Variants in SLC7A11 observed in about 807,000 individuals in gnomAD.
SLC7A11 encodes solute carrier family 7 member 11, also known as cystine/glutamate transporter.
SLC7A11 carries 35 observed loss-of-function variants against 54.5 expected under a neutral mutation model. The ratio of observed to expected loss-of-function variants is 0.64; its 90% CI spans 0.49 to 0.85. The LOEUF is 0.85. SLC7A11 is among the 40% of genes least tolerant of loss of function. The pLI, the probability that SLC7A11 is intolerant of heterozygous loss-of-function variation, is 0.00. For synonymous variants in SLC7A11, 230 were observed against 225.2 expected (o/e 1.02, Z -0.19); for missense variants, 583 against 618.1 (o/e 0.94, Z 0.60).
intron 6 of SLC7A11, among the ~76,000 whole-genome samples, chr4:138,205,841 T>A (rs768066747): frequency 1.3e-4 from 20 of 152,042 alleles, no homozygotes; most frequent in Non-Finnish European, 2.6e-4. Context: ...TGGAAGGTAT[T>A]TCTTTTCAGA....
intron 2 of SLC7A11, among the ~76,000 whole-genome samples, chr4:138,233,224 C>T (rs1000461954): frequency 1.3e-5 from 2 of 150,734 alleles, no homozygotes; most frequent in East Asian, 2.0e-4. Context: ...TCACTCTGTC[C>T]CCCAGGCTGG....
intron 5 of SLC7A11, among the ~76,000 whole-genome samples, chr4:138,217,210 T>A (rs1737701484): frequency 3.3e-5 from 5 of 152,180 alleles, no homozygotes; most frequent in Admixed American, 3.3e-4. Flanking sequence ...AAGCCACTTG[T>A]ATCAGATAAC....
At chr4:138,172,245 T>C (rs1166801183) in intron 11 of SLC7A11, among the ~76,000 whole-genome samples, 1 of 152,226 alleles carries the variant, frequency 6.6e-6, no homozygotes, top group Non-Finnish European at 1.5e-5. Context: ...ATTAATATTT[T>C]GCATTCAAAT....
intron 6 of SLC7A11, among the ~76,000 whole-genome samples, chr4:138,196,883 C>T (rs1478508779): frequency 2.0e-5 from 3 of 152,140 alleles, no homozygotes; most frequent in East Asian, 1.9e-4. Flanking sequence ...TGGTCTCAAG[C>T]TCTTGACCTC....
At chr4:138,213,229 T>G (rs1044317170) in intron 6 of SLC7A11, among the ~76,000 whole-genome samples, 2 of 152,090 alleles carry the variant, frequency 1.3e-5, no homozygotes, top group Admixed American at 6.6e-5. Flanking sequence ...CATAAATTGG[T>G]CATATTTCTT....
chr4:138,169,158 TGTA>T lies in SLC7A11; in HGVS notation c.*2795_*2797del, dbSNP rs910789455. 3.0e-4 allele frequency: 46 copies of T among 152,234 alleles called. No individual in the cohort carries two copies. Among genetic ancestry groups the T allele is most frequent in the African/African-American group, 1.0e-3 (43 of 41,576 alleles). The allele number at this position is 152,234 out of a possible 1,614,324, so 9.4% of individuals were successfully genotyped here. Reference sequence around the variant, plus strand: ...TGGTACAAAGTACAAGTACAGAACATGTAGTAAGTAGTATGTGCATGTATGTGT... The same window carrying T: ...TGGTACAAAGTACAAGTACAGAACATGTAAGTAGTATGTGCATGTATGTGT... On this transcript the variant is annotated 3_prime_UTR_variant, in exon 12 of 12. Transcript: ENST00000280612.
In SLC7A11 at chr4:138,185,167, G is replaced by A. The variant is rs914328452; in HGVS notation, c.869C>T (p.Thr290Met). ...CAGCAGCTCCTCAGCATTAATGGTCGTAAAGTAGGCCACATTTGTCAGCAC... is the reference window on the plus strand; with the variant it reads ...CAGCAGCTCCTCAGCATTAATGGTCATAAAGTAGGCCACATTTGTCAGCAC... ...GYVLTNVAYF[T>M]TINAEELLLS... Residue 290 changes from threonine (T) to methionine (M), a missense_variant, in exon 7 of 12, where the codon ACG becomes ATG. Thr to Met is a moderately conservative substitution (Grantham distance 81). Coordinates refer to ENST00000280612, the MANE Select transcript of SLC7A11 (RefSeq NM_014331.4). The A allele has an allele frequency of 8.1e-6, 13 of 1,612,812 alleles. No individual in the cohort carries two copies. The highest frequency in any genetic ancestry group is 2.7e-5 in the African/African-American group (2 of 74,850).
intron 6 of SLC7A11, among the ~76,000 whole-genome samples, chr4:138,199,406 AG>A (rs1466545271): frequency 6.6e-6 from 1 of 152,166 alleles, no homozygotes; most frequent in Non-Finnish European, 1.5e-5. Flanking sequence ...ACTTCCAATA[AG>A]GTACAGAATA....
intron 6 of SLC7A11, among the ~76,000 whole-genome samples, chr4:138,213,547 C>A (rs1455143847): frequency 6.6e-6 from 1 of 150,674 alleles, no homozygotes; most frequent in Non-Finnish European, 1.5e-5. Flanking sequence ...CTCTCTCTAT[C>A]TCTCTCTCTC....
chr4:138,199,785 T>C (rs1414236763), intron 6 of SLC7A11, among the ~76,000 whole-genome samples: 1 of 152,132 alleles, frequency 6.6e-6, no homozygotes, highest in Non-Finnish European at 1.5e-5. Context: ...GATTTCTCCC[T>C]TGCTGCAGTT....
intron 6 of SLC7A11, among the ~76,000 whole-genome samples, chr4:138,196,689 C>T (rs1737140573): frequency 6.6e-6 from 1 of 151,620 alleles, no homozygotes; most frequent in African/African-American, 2.4e-5. Context: ...GACAGAGCCT[C>T]ACTCTTGTCA....
At chr4:138,209,070 T>C (rs2148434564) in intron 6 of SLC7A11, among the ~76,000 whole-genome samples, 1 of 152,184 alleles carries the variant, frequency 6.6e-6, no homozygotes, top group African/African-American at 2.4e-5. Context: ...TGTCTCAAAA[T>C]GAAATTACAC....
At chr4:138,234,861 G>A (rs1328636018) in intron 2 of SLC7A11, among the ~76,000 whole-genome samples, 1 of 152,144 alleles carries the variant, frequency 6.6e-6, no homozygotes, top group Non-Finnish European at 1.5e-5. Flanking sequence ...CAGCCTGACA[G>A]GCCAGCAGTC....
rs1270412805 is a variant in SLC7A11 at position 138,170,267 on chromosome 4, T to C, written c.*1689A>G. The C allele has an allele frequency of 0.016, 1,479 of 91,376 alleles. 40 individuals carry two copies. The highest frequency in any genetic ancestry group is 0.053 in the African/African-American group (1,349 of 25,460). The allele number at this position is 91,376 out of a possible 1,614,324, so 5.7% of individuals were successfully genotyped here. A position where few individuals can be genotyped will look rare whatever the true frequency, so the allele number is the denominator to read the frequency against. On this transcript the variant is annotated 3_prime_UTR_variant, in exon 12 of 12. Transcript: ENST00000280612. Reference sequence around the variant, plus strand: ...GTGTGTGTGTATATATATATATATATATATACACACACACACACACACACA... The same window carrying C: ...GTGTGTGTGTATATATATATATATACATATACACACACACACACACACACA...
intron 6 of SLC7A11, among the ~76,000 whole-genome samples, chr4:138,185,975 G>T (rs1180976070): frequency 6.6e-6 from 1 of 152,096 alleles, no homozygotes; most frequent in Non-Finnish European, 1.5e-5. Context: ...ATGCAACAGC[G>T]CAGATAATCC....
At chr4:138,180,881 C>A in intron 9 of SLC7A11, 91 bp from the exon 10 acceptor site, 1 of 1,096,246 alleles carries the variant, frequency 9.1e-7, no homozygotes, top group Non-Finnish European at 1.3e-6. Flanking sequence ...CGACCTTTTT[C>A]AAATAATTAT....
At chr4:138,193,713 C>T (rs1343496186) in intron 6 of SLC7A11, among the ~76,000 whole-genome samples, 2 of 152,128 alleles carry the variant, frequency 1.3e-5, no homozygotes, top group Non-Finnish European at 1.5e-5. Flanking sequence ...GCAGGAGAAT[C>T]GCTTGAACCC....
At chr4:138,180,547 C>G in intron 10 of SLC7A11, 94 bp downstream of exon 10, 1 of 1,281,242 alleles carries the variant, frequency 7.8e-7, no homozygotes, top group Non-Finnish European at 1.1e-6. Flanking sequence ...GATGCTGCCC[C>G]CAGCCCAACC....
intron 3 of SLC7A11, among the ~76,000 whole-genome samples, chr4:138,228,674 G>T (rs1273735409): frequency 1.3e-5 from 2 of 148,492 alleles, no homozygotes; most frequent in African/African-American, 5.0e-5. Context: ...CAGGAGAATG[G>T]CGTGAAACCA....
Sources: allele counts gnomAD v4.1 joint callset (sites outside exome capture counted in the v4.1 genomes callset), GRCh38; gene constraint gnomAD v4.1.1; transcripts MANE v1.5; gene names NCBI Gene and HGNC (gene_info 2026-07-23, HGNC 2026-07-21).